GPN2: variants seen among roughly 807,000 people sequenced by gnomAD.
GPN2 encodes the protein ATP-binding domain 1 family member B.
Under a neutral mutation model 30.1 loss-of-function variants are expected in GPN2, and 27 were observed. The ratio of observed to expected loss-of-function variants is 0.90; its 90% CI spans 0.66 to 1.24. GPN2 has a LOEUF of 1.24. Among genes scored for constraint, GPN2 ranks in the 50% most tolerant of loss-of-function variants. GPN2 has a pLI of 0.00. For synonymous variants in GPN2, 212 were observed against 174.4 expected, an observed-to-expected ratio of 1.22 and a Z score of -1.70; for missense variants, 406 against 405.4, an observed-to-expected ratio of 1.00 and a Z score of -0.01.
chr1:26,889,824 G>C lies in GPN2; in HGVS notation c.273C>G (p.Asn91Lys), dbSNP rs2081911341. 1 of 1,613,840 alleles carries C rather than the reference G, an allele frequency of 6.2e-7. No homozygotes were observed. The highest frequency in any genetic ancestry group is 2.2e-5 in the East Asian group (1 of 44,890). ...CGAGCTTGGCACGCAGCCAGTCCAGGTTGGCTTCCAGGTACTCCATGCAGT... is the reference window on the plus strand; with the variant it reads ...CGAGCTTGGCACGCAGCCAGTCCAGCTTGGCTTCCAGGTACTCCATGCAGT... ...LLYCMEYLEA[N>K]LDWLRAKLDP... The change falls in exon 1 of 5, where the codon AAC becomes AAG. Residue 91 changes from asparagine (N) to lysine (K), a missense_variant. Coordinates refer to ENST00000374135, the MANE Select transcript of GPN2 (RefSeq NM_018066.4).
In GPN2 at chr1:26,879,428, A is replaced by G; in HGVS notation, c.*249T>C. 1.9e-6 allele frequency: 1 copy of G among 521,608 alleles called. No individual in the cohort carries two copies. The highest frequency in any genetic ancestry group is 2.6e-5 in the South Asian group (1 of 38,674). The allele number at this position is 521,608 out of a possible 1,614,324, so 32.3% of individuals were successfully genotyped here. On this transcript the variant is annotated 3_prime_UTR_variant, in exon 5 of 5. Coordinates refer to ENST00000374135, the MANE Select transcript of GPN2 (RefSeq NM_018066.4). ...TAGCACATTTCATCACAGCCTGACT[A>G]GGACCAGTGCTCGACTTTCTGGTGG...
intron 4 of GPN2, among the ~76,000 whole-genome samples, chr1:26,883,062 C>T (rs905036108): frequency 2.0e-5 from 3 of 152,218 alleles, no homozygotes; most frequent in Admixed American, 6.5e-5. Flanking sequence ...ACCCTTCTCA[C>T]CTAGCAAGAC....
rs2081914948 is a variant in GPN2, at chr1:26,890,228, G to A, written c.-132C>T. On this transcript the variant is annotated 5_prime_UTR_variant, in exon 1 of 5. Coordinates refer to ENST00000374135, the MANE Select transcript of GPN2 (RefSeq NM_018066.4). ...CGGCCAGCGTCACTCGCCTCAGGCG[G>A]AACAGCTGAGACCGTGTCGCGCAAA... 2 of 760,014 alleles carry A rather than the reference G, an allele frequency of 2.6e-6. No individual in the cohort carries two copies. Among genetic ancestry groups the A allele is most frequent in the Non-Finnish European group, 2.0e-6 (1 of 489,484 alleles). The allele number at this position is 760,014 out of a possible 1,614,324, so 47.1% of individuals were successfully genotyped here. A position where few individuals can be genotyped will look rare whatever the true frequency, so the allele number is the denominator to read the frequency against.
chr1:26,879,817 A>G (rs2081855729), intron 4 of GPN2, 68 bp from the exon 5 acceptor site: 1 of 1,004,708 alleles, frequency 1.0e-6, no homozygotes, highest in Non-Finnish European at 1.6e-6. Flanking sequence ...GCAGGATCTG[A>G]CTTCCGCTGA....
At chr1:26,880,462 G>A (rs898562778) in intron 4 of GPN2, among the ~76,000 whole-genome samples, 1 of 152,118 alleles carries the variant, frequency 6.6e-6, no homozygotes, top group African/African-American at 2.4e-5. Flanking sequence ...ACAGGTACAT[G>A]CCAGCACACC....
rs1445009767 is a variant in GPN2, at chr1:26,884,195, C to T, written c.825G>A (p.Met275Ile). The change falls in exon 4 of 5, where the codon ATG becomes ATA. Residue 275 changes from methionine to isoleucine, a missense_variant. Coordinates refer to ENST00000374135, the MANE Select transcript of GPN2 (RefSeq NM_018066.4). The part of the protein sequence containing the change: ...AQEQRSLEAM[M>I]SAAMGADFHF... Reference sequence around the variant, plus strand: ...GGAAGTCGGCTCCCATTGCGGCAGACATCATGGCTTCCAAGCTTCGCTGCT... The same window carrying T: ...GGAAGTCGGCTCCCATTGCGGCAGATATCATGGCTTCCAAGCTTCGCTGCT... The T allele has an allele frequency of 1.2e-6, 2 of 1,614,066 alleles. No homozygotes were observed. Among genetic ancestry groups the T allele is most frequent in the Admixed American group, 1.7e-5 (1 of 59,986 alleles).
At chr1:26,887,260 G>C (rs1213338517) in intron 2 of GPN2, among the ~76,000 whole-genome samples, 1 of 152,160 alleles carries the variant, frequency 6.6e-6, no homozygotes, top group African/African-American at 2.4e-5. Context: ...CCCTGATTCA[G>C]TTTTATAAAT....
intron 2 of GPN2, 22 bp from the exon 3 acceptor site, chr1:26,886,155 C>T (rs1485864361): frequency 6.3e-7 from 1 of 1,596,748 alleles, no homozygotes. Flanking sequence ...AACCAGTGTT[C>T]AGGAGCAACC....
chr1:26,880,092 T>C (rs1175968688), intron 4 of GPN2, among the ~76,000 whole-genome samples: 1 of 152,156 alleles, frequency 6.6e-6, no homozygotes, highest in African/African-American at 2.4e-5. Context: ...CATGGCTAGG[T>C]TGGCTATGTT....
chr1:26,883,681 G>A (rs1056221179), intron 4 of GPN2, among the ~76,000 whole-genome samples: 8 of 151,808 alleles, frequency 5.3e-5, no homozygotes, highest in African/African-American at 1.9e-4. Context: ...CTACTTGGGA[G>A]GCTGAGGCAG....
chr1:26,883,064 T>G (rs2081872497), intron 4 of GPN2, among the ~76,000 whole-genome samples: 1 of 152,230 alleles, frequency 6.6e-6, no homozygotes, highest in Admixed American at 6.5e-5. Flanking sequence ...CCTTCTCACC[T>G]AGCAAGACTG....
Position 26,890,022 on chromosome 1 carries a change from G to C in GPN2, c.75C>G (p.Tyr25Ter), listed in dbSNP as rs1176269031. The change falls in exon 1 of 5, where the codon TAC (tyrosine) becomes TAG (stop). Residue 25 changes from tyrosine (Y) to a stop codon, truncating the protein, a stop_gained. Coordinates refer to ENST00000374135, the MANE Select transcript of GPN2 (RefSeq NM_018066.4). LOFTEE classifies it high-confidence loss of function. ...IGPPGSGKTT[Y>*]CLGMSEFLRA... ...GCAGGAACTCACTCATGCCCAGGCA[G>C]TACGTGGTCTTCCCTGAGCCCGGCG... 22 of 1,597,830 alleles carry C rather than the reference G, an allele frequency of 1.4e-5. No individual in the cohort carries two copies. Among genetic ancestry groups the C allele is most frequent in the Non-Finnish European group, 1.6e-5 (19 of 1,178,604 alleles).
rs2081889842 is a variant in GPN2, at chr1:26,886,124, A to G, written c.578T>C (p.Leu193Pro). ...IEHYGKLAFN[L>P]DYYTEVLDLS... ...GTCCAGAACCTCTGTGTAGTAGTCC[A>G]GGTTGAAGGCTAAAGAGAGAAACCA... Residue 193 changes from leucine to proline, a missense_variant, in exon 3 of 5, where the codon CTG (leucine) becomes CCG (proline). Coordinates refer to ENST00000374135, the MANE Select transcript of GPN2 (RefSeq NM_018066.4). The G allele has an allele frequency of 6.2e-7, 1 of 1,613,354 alleles. No homozygotes were observed. Among genetic ancestry groups the G allele is most frequent in the Non-Finnish European group, 8.5e-7 (1 of 1,179,370 alleles).
At chr1:26,888,185 A>T (rs2081901356) in intron 2 of GPN2, among the ~76,000 whole-genome samples, 1 of 152,050 alleles carries the variant, frequency 6.6e-6, no homozygotes, top group South Asian at 2.1e-4. Context: ...TCAAGAAAAA[A>T]AAGCTGGCCA....
chr1:26,887,601 G>A lies in GPN2; in HGVS notation c.568+1368C>T, dbSNP rs570215619. On this transcript the variant is annotated intron_variant, in intron 2 of 4. Transcript: ENST00000374135. Reference sequence around the variant, plus strand: ...TTTTGAGACAGAGTCTTGCTCTGTCGCCCAGGCTGGAGTGCACTGGCATGA... The same window carrying A: ...TTTTGAGACAGAGTCTTGCTCTGTCACCCAGGCTGGAGTGCACTGGCATGA... Among the ~76,000 whole-genome samples, 10 of 150,230 alleles carry A rather than the reference G, an allele frequency of 6.7e-5. No homozygotes were observed. The East Asian group carries it at 7.8e-4, about 12-fold the overall frequency.
At position 26,890,248 on chromosome 1, in the gene GPN2, C is replaced by G; in HGVS notation, c.-152G>C. 1.5e-6 allele frequency: 1 copy of G among 665,678 alleles called. No homozygotes were observed. Among genetic ancestry groups the G allele is most frequent in the South Asian group, 2.2e-5 (1 of 44,772 alleles). 41.2% of individuals were successfully genotyped at this position (665,678 alleles called of 1,614,324 possible). On this transcript the variant is annotated 5_prime_UTR_variant, in exon 1 of 5. Transcript: ENST00000374135. ...AGGCGGAACAGCTGAGACCGTGTCG[C>G]GCAAAAGGAGATAACAGGCCGATAC... is the stretch of plus-strand genomic sequence containing the variant.
At position 26,884,184 on chromosome 1, in the gene GPN2, A is replaced by G. The variant is rs567736049; in HGVS notation, c.836T>C (p.Met279Thr). Residue 279 changes from methionine (M) to threonine (T), a missense_variant, in exon 4 of 5, where the codon ATG becomes ACG. Transcript: ENST00000374135. ...RSLEAMMSAAMGADFHFSSTL... is the reference protein window; with the variant it reads ...RSLEAMMSAATGADFHFSSTL... The stretch of plus-strand genomic sequence containing the variant: ...CGAAGAGAAATGGAAGTCGGCTCCC[A>G]TTGCGGCAGACATCATGGCTTCCAA... 8.1e-6 allele frequency: 13 copies of G among 1,613,724 alleles called. No homozygotes were observed. The highest frequency in any genetic ancestry group is 1.1e-5 in the Non-Finnish European group (13 of 1,179,922).
intron 3 of GPN2, among the ~76,000 whole-genome samples, chr1:26,885,649 G>A (rs538931145): frequency 2.0e-5 from 3 of 148,902 alleles, no homozygotes; most frequent in Non-Finnish European, 4.4e-5. Context: ...GCGTGGTCTC[G>A]GCTCACTGCA....
intron 4 of GPN2, among the ~76,000 whole-genome samples, chr1:26,879,970 C>T: frequency 6.6e-6 from 1 of 152,298 alleles, no homozygotes; most frequent in South Asian, 2.1e-4. Context: ...AAGGACTGGA[C>T]AGTACTAACC....
Sources: gnomAD v4.1 joint callset for allele counts (sites outside exome capture counted in the v4.1 genomes callset) on GRCh38, gnomAD v4.1.1 for gene constraint, MANE v1.5 for transcripts, NCBI Gene and HGNC (gene_info 2026-07-23, HGNC 2026-07-21) for gene names.